Variants in INPP5A observed in about 807,000 individuals in gnomAD.
The protein encoded by INPP5A is inositol polyphosphate-5-phosphatase A.
A neutral mutation model predicts 65.2 loss-of-function variants in INPP5A; 14 were observed. That is an observed-to-expected ratio of 0.21 (90% CI 0.14 to 0.34). The LOEUF (loss-of-function observed/expected upper bound fraction) is 0.34. Ranked by LOEUF, INPP5A falls within the 10% of genes least tolerant of loss-of-function variation. The pLI is 1.00. For synonymous variants in INPP5A, 207 were observed against 208.3 expected (o/e 0.99, Z 0.05); for missense variants, 431 against 545.6 (o/e 0.79, Z 2.09).
rs2814447 is a variant in INPP5A at position 132,587,037 on chromosome 10, G to A, written c.76-20878G>A. On this transcript the variant is annotated intron_variant, in intron 1 of 15. Coordinates refer to ENST00000368594, the MANE Select transcript of INPP5A (RefSeq NM_005539.5). The surrounding 1 kb of genome is among the most constrained non-coding windows in gnomAD (Gnocchi z 4.3). ...GTGGCCCCTCCCCCGCCATCGTTAC[G>A]CTGTCATCAGCAAGATCACTGTCAC... Among the ~76,000 whole-genome samples the A allele has an allele frequency of 0.23, 34,950 of 152,154 alleles. 4,889 individuals carry two copies. Among genetic ancestry groups the A allele is most frequent in the East Asian group, 0.46 (2,396 of 5,180 alleles).
chr10:132,737,752 GCAA>G (rs1285766899), intron 9 of INPP5A, among the ~76,000 whole-genome samples: 1 of 152,216 alleles, frequency 6.6e-6, no homozygotes, highest in African/African-American at 2.4e-5. Context: ...AATAGCAATG[GCAA>G]CAACAGAAGC....
chr10:132,719,678 G>A (rs1276108428), intron 8 of INPP5A, among the ~76,000 whole-genome samples: 2 of 148,540 alleles, frequency 1.3e-5, no homozygotes, highest in Middle Eastern at 3.6e-3. Context: ...ACCTTAGACG[G>A]CTGTCTTGCA....
At position 132,551,541 on chromosome 10, in the gene INPP5A, T is replaced by C. The variant is rs1306271233; in HGVS notation, c.75+13370T>C. 6.6e-6 allele frequency among the ~76,000 whole-genome samples: 1 copy of C among 152,254 alleles called. No individual in the cohort carries two copies. Among genetic ancestry groups the C allele is most frequent in the African/African-American group, 2.4e-5 (1 of 41,464 alleles). On this transcript the variant is annotated intron_variant, in intron 1 of 15. Transcript: ENST00000368594. The surrounding 1 kb of genome is among the most constrained non-coding windows in gnomAD (Gnocchi z 5.3). Reference sequence around the variant, plus strand: ...AGCTGGTTCTCTTGAGAAAGACATCTGTCCAAGTAGCACACAGACTTGTGG... The same window carrying C: ...AGCTGGTTCTCTTGAGAAAGACATCCGTCCAAGTAGCACACAGACTTGTGG...
Position 132,644,281 on chromosome 10 carries a change from C to CA in INPP5A, c.118-1586dup, listed in dbSNP as rs2072464613. Among the ~76,000 whole-genome samples the CA allele has an allele frequency of 6.6e-6, 1 of 152,218 alleles. No individual in the cohort carries two copies. The highest frequency in any genetic ancestry group is 1.5e-5 in the Non-Finnish European group (1 of 68,032). On this transcript the variant is annotated intron_variant, in intron 2 of 15. Coordinates refer to ENST00000368594, the MANE Select transcript of INPP5A (RefSeq NM_005539.5). This position sits in a 1 kb window ranked among gnomAD's most constrained non-coding sequence, Gnocchi z 6.5. ...ATCCACGCAGAGGCGGCTGCGAACTCAGGCACGGCCGCCCTTGTCTCCTGC... is the reference window on the plus strand; with the variant it reads ...ATCCACGCAGAGGCGGCTGCGAACTCAAGGCACGGCCGCCCTTGTCTCCTGC...
Position 132,782,206 on chromosome 10 carries a change from C to A in INPP5A, c.*177C>A. The stretch of plus-strand genomic sequence containing the variant: ...GACCATTCCGGAGCAGCCTCACATA[C>A]CTCACTGTCTCGTCTGTCTATGTGA... On this transcript the variant is annotated 3_prime_UTR_variant, in exon 16 of 16. Transcript: ENST00000368594. The surrounding 1 kb of genome is among the most constrained non-coding windows in gnomAD (Gnocchi z 4.4). 1.1e-6 allele frequency: 1 copy of A among 874,548 alleles called. No homozygotes were observed. Among genetic ancestry groups the A allele is most frequent in the Non-Finnish European group, 1.8e-6 (1 of 559,750 alleles). The allele number at this position is 874,548 out of a possible 1,614,324, so 54.2% of individuals were successfully genotyped here. A position where few individuals can be genotyped will look rare whatever the true frequency, so the allele number is the denominator to read the frequency against.
chr10:132,755,639 C>T (rs569782092), intron 11 of INPP5A, among the ~76,000 whole-genome samples: 21 of 148,082 alleles, frequency 1.4e-4, no homozygotes, highest in Admixed American at 1.1e-3. Flanking sequence ...TGTGAGCAGG[C>T]GTGTGCATGC....
intron 4 of INPP5A, among the ~76,000 whole-genome samples, chr10:132,668,371 A>C (rs988381331): frequency 6.6e-6 from 1 of 152,224 alleles, no homozygotes; most frequent in African/African-American, 2.4e-5. Context: ...TGATGCTGCC[A>C]TGGAAAAAAT....
At chr10:132,579,336 TG>T (rs1268416844) in intron 1 of INPP5A, among the ~76,000 whole-genome samples, 1 of 151,994 alleles carries the variant, frequency 6.6e-6, no homozygotes, top group Non-Finnish European at 1.5e-5. Flanking sequence ...GCGTACCTGT[TG>T]GGAAGTGAGG....
intron 8 of INPP5A, among the ~76,000 whole-genome samples, chr10:132,725,193 A>T (rs1845964523): frequency 1.3e-5 from 2 of 152,258 alleles, no homozygotes. Context: ...AGATTTAAAA[A>T]TATTGAGGGT....
chr10:132,600,657 C>T (rs1017765645), intron 1 of INPP5A, among the ~76,000 whole-genome samples: 2 of 152,212 alleles, frequency 1.3e-5, no homozygotes, highest in Non-Finnish European at 2.9e-5. Flanking sequence ...CATTTTCACA[C>T]TGCCAGTAAA....
rs1216502901 is a variant in INPP5A, at chr10:132,771,710, CCAT to C, written c.977+5865_977+5867del. Among the ~76,000 whole-genome samples, 14 of 57,816 alleles carry C rather than the reference CCAT, an allele frequency of 2.4e-4. No individual in the cohort carries two copies. The South Asian group carries it at 4.8e-3, about 20-fold the overall frequency. The allele number at this position is 57,816 out of a possible 152,430, so 37.9% of individuals were successfully genotyped here. ...TGACACAGAGGCCACGGCAGCCACC[CCAT>C]GAAGAGTGGGACAGACACTCAGCAC... is the stretch of plus-strand genomic sequence containing the variant. On this transcript the variant is annotated intron_variant, in intron 12 of 15. Transcript: ENST00000368594.
At chr10:132,562,933 C>G (rs1183128356) in intron 1 of INPP5A, among the ~76,000 whole-genome samples, 1 of 152,212 alleles carries the variant, frequency 6.6e-6, no homozygotes, top group South Asian at 2.1e-4. Flanking sequence ...CCCTGGTGCC[C>G]CCTTCCCTGT....
In INPP5A at chr10:132,629,695, A is replaced by G. The variant is rs2072239108; in HGVS notation, c.118-16173A>G. On this transcript the variant is annotated intron_variant, in intron 2 of 15. Coordinates refer to ENST00000368594, the MANE Select transcript of INPP5A (RefSeq NM_005539.5). ...CGGCAGTTCTCCACATGCATTCCACACGTGAGCATCCATGAGGGGTGGGTA... is the reference window on the plus strand; with the variant it reads ...CGGCAGTTCTCCACATGCATTCCACGCGTGAGCATCCATGAGGGGTGGGTA... 2.0e-5 allele frequency among the ~76,000 whole-genome samples: 3 copies of G among 152,336 alleles called. No homozygotes were observed. The South Asian group carries it at 6.2e-4, about 32-fold the overall frequency.
intron 1 of INPP5A, among the ~76,000 whole-genome samples, chr10:132,596,781 G>A (rs2071696090): frequency 6.6e-6 from 1 of 151,918 alleles, no homozygotes; most frequent in Non-Finnish European, 1.5e-5. Context: ...GTGTGTTTGT[G>A]TGCAGGCTCC....
intron 2 of INPP5A, among the ~76,000 whole-genome samples, chr10:132,634,621 G>T (rs879592008): frequency 9.9e-5 from 15 of 152,254 alleles, no homozygotes; most frequent in Non-Finnish European, 1.8e-4. Context: ...GTGGTTGTGG[G>T]ATTGTCTGTT....
intron 1 of INPP5A, among the ~76,000 whole-genome samples, chr10:132,582,281 A>G (rs533095192): frequency 9.9e-5 from 15 of 152,024 alleles, no homozygotes; most frequent in Admixed American, 2.0e-4. Context: ...TAGAAGCTAT[A>G]TGCTTTTACT....
intron 1 of INPP5A, among the ~76,000 whole-genome samples, chr10:132,552,004 G>A (rs2071057720): frequency 6.6e-6 from 1 of 152,264 alleles, no homozygotes; most frequent in African/African-American, 2.4e-5. Context: ...CAAGGACCAG[G>A]AGAGCTTCTG....
intron 9 of INPP5A, among the ~76,000 whole-genome samples, chr10:132,742,750 C>A (rs1050368055): frequency 1.3e-5 from 2 of 152,194 alleles, no homozygotes; most frequent in Non-Finnish European, 2.9e-5. Flanking sequence ...CCTGGTGAAC[C>A]GGGGCCCTTG....
At chr10:132,586,759 T>C (rs924433856) in intron 1 of INPP5A, among the ~76,000 whole-genome samples, 5 of 152,362 alleles carry the variant, frequency 3.3e-5, no homozygotes, top group African/African-American at 1.2e-4. Flanking sequence ...ACAAGTATGA[T>C]TGACTTTTGA....
Sources: gnomAD v4.1 joint callset for allele counts (sites outside exome capture counted in the v4.1 genomes callset) on GRCh38, gnomAD v4.1.1 for gene constraint, Gnocchi (gnomAD v3.1) non-coding constraint, MANE v1.5 for transcripts, NCBI Gene and HGNC (gene_info 2026-07-23, HGNC 2026-07-21) for gene names.